NEGR1: variants seen among roughly 807,000 people sequenced by gnomAD.
The protein encoded by NEGR1 is IgLON family member 4.
NEGR1 carries 10 observed loss-of-function variants against 40.9 expected under a neutral mutation model. The observed-to-expected ratio is 0.24, with a 90% confidence interval of 0.15 to 0.42. The LOEUF is 0.42. Among genes scored for constraint, NEGR1 ranks in the 10% least tolerant of loss-of-function variants. The pLI is 1.00. For missense variants in NEGR1, 352 were observed against 438.9 expected (o/e 0.80, Z 1.77); for synonymous variants, 185 against 166.8 (o/e 1.11, Z -0.84).
intron 6 of NEGR1, among the ~76,000 whole-genome samples, chr1:71,428,460 T>A (rs1455528162): frequency 2.0e-5 from 3 of 152,122 alleles, no homozygotes; most frequent in East Asian, 3.9e-4. Context: ...CCTAATAAAT[T>A]CAAATGCTAG....
intron 1 of NEGR1, among the ~76,000 whole-genome samples, chr1:72,068,317 G>A (rs1647329518): frequency 6.6e-6 from 1 of 152,136 alleles, no homozygotes; most frequent in Non-Finnish European, 1.5e-5. Context: ...TGTCCCATGA[G>A]AGGATCCAGT....
intron 6 of NEGR1, among the ~76,000 whole-genome samples, chr1:71,574,276 T>C (rs1210362677): frequency 6.6e-6 from 1 of 152,200 alleles, no homozygotes; most frequent in Non-Finnish European, 1.5e-5. Context: ...TTTCTGCCTA[T>C]TGTTTTTGCT....
intron 1 of NEGR1, among the ~76,000 whole-genome samples, chr1:71,955,409 A>T (rs1331807284): frequency 6.6e-6 from 1 of 152,120 alleles, no homozygotes; most frequent in Admixed American, 6.6e-5. Context: ...ACACATATAA[A>T]TGGCAATGAA....
chr1:71,939,006 C>T (rs1013764494), intron 1 of NEGR1, among the ~76,000 whole-genome samples: 3 of 152,032 alleles, frequency 2.0e-5, no homozygotes, highest in Non-Finnish European at 4.4e-5. Context: ...TGATAGTAGT[C>T]AACACAGCCT....
chr1:72,083,344 T>C (rs112727491), intron 1 of NEGR1, among the ~76,000 whole-genome samples: 2,325 of 152,022 alleles, frequency 0.015, 57 homozygotes, highest in African/African-American at 0.053. Context: ...CTTCCTTTCC[T>C]TTAGTCTTTT....
chr1:71,848,563 T>G (rs1443747651), intron 2 of NEGR1, among the ~76,000 whole-genome samples: 2 of 152,206 alleles, frequency 1.3e-5, no homozygotes, highest in African/African-American at 4.8e-5. Context: ...ACAGCACATC[T>G]GTTTACAGTA....
intron 1 of NEGR1, among the ~76,000 whole-genome samples, chr1:72,066,263 G>A (rs1647270032): frequency 6.6e-6 from 1 of 152,012 alleles, no homozygotes; most frequent in Non-Finnish European, 1.5e-5. Flanking sequence ...ACAAATCCAG[G>A]CAGCGTGGCC....
At chr1:72,127,332 C>T (rs1334060708) in intron 1 of NEGR1, among the ~76,000 whole-genome samples, 4 of 151,360 alleles carry the variant, frequency 2.6e-5, no homozygotes, top group African/African-American at 7.3e-5. Context: ...GGGGTGGTGG[C>T]GGGCGCCTGT....
intron 1 of NEGR1, among the ~76,000 whole-genome samples, chr1:72,243,577 T>C (rs1654815498): frequency 6.6e-6 from 1 of 151,822 alleles, no homozygotes. Context: ...ATTTCTGTGC[T>C]CCTGTCCAAC....
chr1:72,205,356 C>A (rs958708153), intron 1 of NEGR1, among the ~76,000 whole-genome samples: 8 of 151,596 alleles, frequency 5.3e-5, no homozygotes, highest in African/African-American at 1.7e-4. Flanking sequence ...CTCTAAGAGT[C>A]AGAGGAGTAA....
chr1:71,657,861 T>C (rs1164835679), intron 4 of NEGR1, among the ~76,000 whole-genome samples: 1 of 152,198 alleles, frequency 6.6e-6, no homozygotes, highest in African/African-American at 2.4e-5. Flanking sequence ...GTAGCTAGAT[T>C]TGGAAGTAAA....
chr1:71,512,889 G>A (rs752020739), intron 6 of NEGR1, among the ~76,000 whole-genome samples: 3 of 152,064 alleles, frequency 2.0e-5, no homozygotes, highest in Admixed American at 6.6e-5. Context: ...CATACTATCC[G>A]AATTTTTAAA....
intron 4 of NEGR1, among the ~76,000 whole-genome samples, chr1:71,681,060 C>T (rs1652821614): frequency 6.6e-6 from 1 of 152,208 alleles, no homozygotes; most frequent in African/African-American, 2.4e-5. Context: ...GCACTTCAGA[C>T]TAATTTAAAA....
At chr1:71,688,309 C>T (rs1175405022) in intron 4 of NEGR1, among the ~76,000 whole-genome samples, 2 of 41,352 alleles carry the variant, frequency 4.8e-5, no homozygotes, top group Non-Finnish European at 8.9e-5. Context: ...TTTCCCTTTT[C>T]ATATATATAT....
intron 1 of NEGR1, among the ~76,000 whole-genome samples, chr1:72,202,383 T>C (rs1001360099): frequency 3.3e-5 from 5 of 151,824 alleles, no homozygotes; most frequent in African/African-American, 1.2e-4. Context: ...TACCTCTCAC[T>C]TCAAATCAAA....
At chr1:71,666,774 C>T (rs1652256932) in intron 4 of NEGR1, among the ~76,000 whole-genome samples, 1 of 152,096 alleles carries the variant, frequency 6.6e-6, no homozygotes, top group African/African-American at 2.4e-5. Context: ...TGAGTAACTC[C>T]TGGATTTCAT....
intron 1 of NEGR1, among the ~76,000 whole-genome samples, chr1:72,122,078 T>A (rs1649826106): frequency 6.6e-6 from 1 of 151,932 alleles, no homozygotes. Flanking sequence ...GAATTTGTAA[T>A]TATCAATGAT....
intron 6 of NEGR1, among the ~76,000 whole-genome samples, chr1:71,546,782 G>A (rs1647912013): frequency 1.3e-5 from 2 of 151,628 alleles, no homozygotes; most frequent in African/African-American, 2.4e-5. Context: ...ATAAAGTATT[G>A]GGTAAGGGGT....
At chr1:71,929,199 C>T (rs771119628) in intron 2 of NEGR1, among the ~76,000 whole-genome samples, 12 of 151,942 alleles carry the variant, frequency 7.9e-5, no homozygotes, top group Non-Finnish European at 1.6e-4. Flanking sequence ...TTTTGGGACA[C>T]CTACTCCTAG....
Sources: allele counts gnomAD v4.1 joint callset (sites outside exome capture counted in the v4.1 genomes callset), GRCh38; gene constraint gnomAD v4.1.1; transcripts MANE v1.5; gene names NCBI Gene and HGNC (gene_info 2026-07-23, HGNC 2026-07-21).